Variants in CADPS2 observed in about 807,000 individuals in gnomAD.
CADPS2 encodes the protein calcium-dependent secretion activator 2.
A neutral mutation model predicts 172.5 loss-of-function variants in CADPS2; 93 were observed. The ratio of observed to expected loss-of-function variants is 0.54; its 90% CI spans 0.46 to 0.64. The LOEUF is 0.64. Among genes scored for constraint, CADPS2 ranks in the 30% least tolerant of loss-of-function variants. The pLI is 0.00. For synonymous variants in CADPS2, 546 were observed against 555.2 expected (o/e 0.98, Z 0.23); for missense variants, 1,420 against 1,565.9 (o/e 0.91, Z 1.57).
intron 7 of CADPS2, among the ~76,000 whole-genome samples, chr7:122,559,759 A>G (rs1225058013): frequency 1.4e-5 from 2 of 140,612 alleles, no homozygotes; most frequent in Admixed American, 7.3e-5. Context: ...TGACAGTGCG[A>G]GACTCCACCT....
intron 28 of CADPS2, among the ~76,000 whole-genome samples, chr7:122,332,422 G>T (rs2035120172): frequency 7.0e-6 from 1 of 143,590 alleles, no homozygotes; most frequent in African/African-American, 2.6e-5. Context: ...AATCAGAACA[G>T]AGAAGCATGT....
chr7:122,664,678 T>C (rs1564003524), intron 2 of CADPS2, among the ~76,000 whole-genome samples: 1 of 152,232 alleles, frequency 6.6e-6, no homozygotes, highest in Non-Finnish European at 1.5e-5. Context: ...GCTTTATTCT[T>C]TCTATGATGT....
chr7:122,639,222 A>G (rs2077361254), intron 3 of CADPS2, among the ~76,000 whole-genome samples: 1 of 152,222 alleles, frequency 6.6e-6, no homozygotes, highest in Non-Finnish European at 1.5e-5. Flanking sequence ...TTTTACATGT[A>G]AGAATCTTAG....
chr7:122,472,976 A>C (rs2056174162), intron 13 of CADPS2, among the ~76,000 whole-genome samples: 1 of 152,108 alleles, frequency 6.6e-6, no homozygotes, highest in African/African-American at 2.4e-5. Flanking sequence ...TTTCAGGTTG[A>C]GCATCCCAAA....
chr7:122,346,085 C>T (rs573192961), intron 27 of CADPS2, among the ~76,000 whole-genome samples: 8 of 151,994 alleles, frequency 5.3e-5, no homozygotes, highest in South Asian at 4.2e-4. Flanking sequence ...TTTAAAAATG[C>T]GCTGAGTGCC....
At chr7:122,403,737 G>T (rs905706736) in intron 20 of CADPS2, among the ~76,000 whole-genome samples, 1 of 152,018 alleles carries the variant, frequency 6.6e-6, no homozygotes, top group African/African-American at 2.4e-5. Flanking sequence ...TGGAATTAAT[G>T]ATATTCCATT....
At chr7:122,635,383 CTCG>C (rs1302660997) in intron 3 of CADPS2, among the ~76,000 whole-genome samples, 2 of 151,444 alleles carry the variant, frequency 1.3e-5, no homozygotes, top group Non-Finnish European at 2.9e-5. Context: ...CACCCATTAA[CTCG>C]TCATTTAGCA....
chr7:122,818,626 A>G (rs1802214955), intron 1 of CADPS2, among the ~76,000 whole-genome samples: 1 of 151,800 alleles, frequency 6.6e-6, no homozygotes, highest in Non-Finnish European at 1.5e-5. Context: ...CTAGGTCCCA[A>G]TTCTTCCTCA....
chr7:122,853,075 G>A (rs1814132189), intron 1 of CADPS2, among the ~76,000 whole-genome samples: 1 of 152,130 alleles, frequency 6.6e-6, no homozygotes, highest in Admixed American at 6.5e-5. Flanking sequence ...TTAAGGAAAA[G>A]GCCTTGGCCT....
intron 4 of CADPS2, among the ~76,000 whole-genome samples, chr7:122,627,387 A>G (rs901220580): frequency 1.3e-5 from 2 of 152,182 alleles, no homozygotes; most frequent in African/African-American, 4.8e-5. Flanking sequence ...CTATGTCAAT[A>G]TTTTCATCAA....
chr7:122,684,371 T>C (rs1449200636), intron 2 of CADPS2, among the ~76,000 whole-genome samples: 2 of 152,044 alleles, frequency 1.3e-5, no homozygotes, highest in African/African-American at 2.4e-5. Context: ...AGCATGATTT[T>C]CCCCCAATAT....
At chr7:122,556,273 T>A (rs1373067109) in intron 7 of CADPS2, among the ~76,000 whole-genome samples, 3 of 152,110 alleles carry the variant, frequency 2.0e-5, no homozygotes, top group Non-Finnish European at 4.4e-5. Context: ...AATATCATTA[T>A]CAACTTAGAA....
rs1586437061 is a variant in CADPS2, at chr7:122,477,008, GAGAGGAGA to G, written c.1862-2499_1862-2492del. 2.9e-3 allele frequency among the ~76,000 whole-genome samples: 316 copies of G among 108,156 alleles called. 2 individuals are homozygous for G. Among genetic ancestry groups the G allele is most frequent in the Non-Finnish European group, 5.0e-3 (265 of 53,502 alleles). The allele number at this position is 108,156 out of a possible 152,430, so 71.0% of individuals were successfully genotyped here. ...GGCGGGAGGGGAGGGGAGAGGAGAG[GAGAGGAGA>G]GGAGAGGAGAGGAGAGGAGAGGAGA... is the stretch of plus-strand genomic sequence containing the variant. On this transcript the variant is annotated intron_variant, in intron 12 of 29. Coordinates refer to ENST00000449022, the MANE Select transcript of CADPS2 (RefSeq NM_017954.11).
intron 24 of CADPS2, among the ~76,000 whole-genome samples, chr7:122,384,772 C>T (rs1189595249): frequency 6.6e-6 from 1 of 151,960 alleles, no homozygotes; most frequent in Non-Finnish European, 1.5e-5. Flanking sequence ...TCTTCAAAAC[C>T]ACCCACCTAT....
chr7:122,547,218 C>A (rs2063721146), intron 8 of CADPS2, among the ~76,000 whole-genome samples: 1 of 151,982 alleles, frequency 6.6e-6, no homozygotes, highest in Admixed American at 6.6e-5. Context: ...CAGGGATGGT[C>A]TAAGAATAAA....
chr7:122,546,380 A>G (rs1018580643), intron 8 of CADPS2, among the ~76,000 whole-genome samples: 1 of 152,144 alleles, frequency 6.6e-6, no homozygotes, highest in Non-Finnish European at 1.5e-5. Flanking sequence ...GGACCCTTAT[A>G]CCCGTATGTT....
intron 1 of CADPS2, among the ~76,000 whole-genome samples, chr7:122,828,281 T>G (rs117794979): frequency 2.6e-5 from 4 of 152,188 alleles, no homozygotes; most frequent in African/African-American, 9.6e-5. Flanking sequence ...AATTATTCTC[T>G]TCTACTTTCA....
intron 2 of CADPS2, chr7:122,702,136 A>C: frequency 6.2e-7 from 1 of 1,613,716 alleles, no homozygotes; most frequent in Non-Finnish European, 8.5e-7. Flanking sequence ...AATCTAAGTA[A>C]AAGTAGGCAA....
intron 1 of CADPS2, among the ~76,000 whole-genome samples, chr7:122,807,138 G>C (rs914094541): frequency 6.6e-6 from 1 of 151,898 alleles, no homozygotes; most frequent in Non-Finnish European, 1.5e-5. Context: ...GTGCATGCAG[G>C]GGGCATGTGC....
Sources: gnomAD v4.1 joint callset for allele counts (sites outside exome capture counted in the v4.1 genomes callset) on GRCh38, gnomAD v4.1.1 for gene constraint, MANE v1.5 for transcripts, NCBI Gene and HGNC (gene_info 2026-07-23, HGNC 2026-07-21) for gene names.